The following CAMK2A variants were observed in gnomAD, a reference collection of about 807,000 sequenced individuals.
CAMK2A encodes calcium/calmodulin-dependent protein kinase type II subunit alpha.
A neutral mutation model predicts 79.2 loss-of-function variants in CAMK2A; 7 were observed. The observed-to-expected ratio is 0.09, with a 90% CI of 0.05 to 0.17. The LOEUF (loss-of-function observed/expected upper bound fraction) is 0.17, where lower values mean the gene tolerates loss of function less well. CAMK2A is among the 10% of genes least tolerant of loss of function. The pLI is 1.00. For missense variants in CAMK2A, 214 were observed against 646.4 expected, an observed-to-expected ratio of 0.33 and a Z score of 7.25; for synonymous variants, 242 against 251.7, an observed-to-expected ratio of 0.96 and a Z score of 0.36.
chr5:150,251,099 C>T (rs141399232), intron 9 of CAMK2A, among the ~76,000 whole-genome samples: 197 of 152,366 alleles, frequency 1.3e-3, no homozygotes, highest in African/African-American at 4.4e-3. Context: ...ATCAAAAGGC[C>T]TGGATTCAAG....
intron 1 of CAMK2A, among the ~76,000 whole-genome samples, chr5:150,287,184 G>T (rs1757458293): frequency 6.6e-6 from 1 of 152,200 alleles, no homozygotes; most frequent in South Asian, 2.1e-4. Context: ...CAGGGGTGCG[G>T]AATCAGTCCA....
chr5:150,287,255 G>C (rs1757462081), intron 1 of CAMK2A, among the ~76,000 whole-genome samples: 1 of 152,202 alleles, frequency 6.6e-6, no homozygotes, highest in Non-Finnish European at 1.5e-5. Context: ...CAGTCTTCCC[G>C]ATGTCCCTGC....
rs1264262106 is a variant in CAMK2A, at chr5:150,222,282, T to C, written c.*428A>G. The C allele has an allele frequency of 1.7e-6, 1 of 576,422 alleles. No homozygotes were observed. The highest frequency in any genetic ancestry group is 3.1e-6 in the Non-Finnish European group (1 of 321,524). The allele number at this position is 576,422 out of a possible 1,614,324, so 35.7% of individuals were successfully genotyped here. ...GTCATCTGCCCTTCCCCGGGGACAC[T>C]GGAAGAGGAGAGGTCTGGGAGAGGG... is the stretch of plus-strand genomic sequence containing the variant. On this transcript the variant is annotated 3_prime_UTR_variant, in exon 19 of 19. Transcript: ENST00000671881.
At chr5:150,244,728 G>A (rs933552623) in intron 13 of CAMK2A, among the ~76,000 whole-genome samples, 1 of 152,146 alleles carries the variant, frequency 6.6e-6, no homozygotes, top group African/African-American at 2.4e-5. Context: ...GAGCTTTCTG[G>A]GTGGAACTAA....
chr5:150,243,697 T>C (rs1428380602), intron 13 of CAMK2A, among the ~76,000 whole-genome samples: 3 of 152,216 alleles, frequency 2.0e-5, no homozygotes. Context: ...GTGTATTACA[T>C]ACCAGCACCT....
At chr5:150,232,228 G>T (rs1754872979) in intron 15 of CAMK2A, among the ~76,000 whole-genome samples, 1 of 152,252 alleles carries the variant, frequency 6.6e-6, no homozygotes, top group African/African-American at 2.4e-5. Flanking sequence ...CTGTGCAACT[G>T]CGGGCCACAA....
At chr5:150,230,523 A>G (rs1754796392) in intron 16 of CAMK2A, among the ~76,000 whole-genome samples, 2 of 152,180 alleles carry the variant, frequency 1.3e-5, no homozygotes. Flanking sequence ...GTCCTCCAAA[A>G]AGCTTATGTC....
At chr5:150,252,524 G>A (rs1280214572) in intron 7 of CAMK2A, among the ~76,000 whole-genome samples, 2 of 152,200 alleles carry the variant, frequency 1.3e-5, no homozygotes, top group East Asian at 1.9e-4. Flanking sequence ...CGGGAGGCCT[G>A]TCCTAACTGA....
intron 1 of CAMK2A, among the ~76,000 whole-genome samples, chr5:150,279,852 C>T (rs1052101965): frequency 6.6e-6 from 1 of 152,230 alleles, no homozygotes; most frequent in Non-Finnish European, 1.5e-5. Context: ...GCAAGATTCA[C>T]GCTGGGAAAT....
At position 150,221,883 on chromosome 5, in the gene CAMK2A, A is replaced by G. The variant is rs948065639; in HGVS notation, c.*827T>C. The stretch of plus-strand genomic sequence containing the variant: ...ATAAATATCCATTAACGCGAAATCC[A>G]TTTACGAAATACACAGAAATTTGGC... On this transcript the variant is annotated 3_prime_UTR_variant, in exon 19 of 19. Coordinates refer to ENST00000671881, the MANE Select transcript of CAMK2A (RefSeq NM_015981.4). The G allele has an allele frequency of 6.1e-6, 2 of 327,826 alleles. No homozygotes were observed. Among genetic ancestry groups the G allele is most frequent in the Non-Finnish European group, 5.5e-6 (1 of 182,552 alleles). The allele number at this position is 327,826 out of a possible 1,614,324, so 20.3% of individuals were successfully genotyped here.
chr5:150,288,930 C>T (rs894495601), intron 1 of CAMK2A, among the ~76,000 whole-genome samples: 3 of 152,224 alleles, frequency 2.0e-5, no homozygotes, highest in Non-Finnish European at 2.9e-5. Flanking sequence ...CGGTGCTCCC[C>T]GCTACAGCTT....
intron 1 of CAMK2A, among the ~76,000 whole-genome samples, chr5:150,275,874 T>C (rs1756925298): frequency 6.6e-6 from 1 of 152,032 alleles, no homozygotes; most frequent in Non-Finnish European, 1.5e-5. Context: ...TATGGAGGCC[T>C]CATCACTAGG....
intron 1 of CAMK2A, among the ~76,000 whole-genome samples, chr5:150,279,576 C>G (rs1331930305): frequency 2.0e-5 from 3 of 152,226 alleles, no homozygotes; most frequent in Admixed American, 1.3e-4. Context: ...AGGAGGACAG[C>G]TGGCATCATC....
chr5:150,241,201 C>T (rs1222691760), intron 13 of CAMK2A, among the ~76,000 whole-genome samples: 2 of 152,208 alleles, frequency 1.3e-5, no homozygotes, highest in Non-Finnish European at 2.9e-5. Flanking sequence ...TTCCAATGCC[C>T]GTGTGCTCAC....
chr5:150,266,347 G>T (rs1562184829), intron 2 of CAMK2A, among the ~76,000 whole-genome samples: 1 of 152,232 alleles, frequency 6.6e-6, no homozygotes, highest in Non-Finnish European at 1.5e-5. Flanking sequence ...GCCTGAACAA[G>T]CTGAAGCCTC....
At chr5:150,279,725 T>A (rs905040960) in intron 1 of CAMK2A, among the ~76,000 whole-genome samples, 1 of 151,774 alleles carries the variant, frequency 6.6e-6, no homozygotes, top group African/African-American at 2.4e-5. Flanking sequence ...CGAGCAGGAG[T>A]GTGGGCAGGC....
chr5:150,240,353 A>G (rs1292974694), intron 13 of CAMK2A, among the ~76,000 whole-genome samples: 2 of 152,240 alleles, frequency 1.3e-5, no homozygotes, highest in South Asian at 2.1e-4. Flanking sequence ...CATGGGAGCC[A>G]GTCCTCTAAG....
intron 13 of CAMK2A, among the ~76,000 whole-genome samples, chr5:150,242,138 C>T (rs192660165): frequency 1.3e-5 from 2 of 152,274 alleles, no homozygotes; most frequent in African/African-American, 4.8e-5. Flanking sequence ...AAGTCCAGGC[C>T]TGGGGTGGCC....
chr5:150,225,217 G>A (rs936707998), intron 17 of CAMK2A, among the ~76,000 whole-genome samples: 1 of 152,146 alleles, frequency 6.6e-6, no homozygotes, highest in African/African-American at 2.4e-5. Context: ...ACTGGGCCTT[G>A]CTGCAGTCAG....
Sources: allele counts gnomAD v4.1 joint callset (sites outside exome capture counted in the v4.1 genomes callset), GRCh38; gene constraint gnomAD v4.1.1; transcripts MANE v1.5; gene names NCBI Gene and HGNC (gene_info 2026-07-23, HGNC 2026-07-21).